ENTREP2: variants seen among roughly 807,000 people sequenced by gnomAD.
ENTREP2 encodes endosomal transmembrane epsin interactor 2, also known as protein ENTREP2.
At chr15:29,131,735 G>A in the ENTREP2 span, among the ~76,000 whole-genome samples, 1 of 123,846 alleles carries the variant, frequency 8.1e-6, no homozygotes, top group Non-Finnish European at 1.7e-5. Flanking sequence ...CCATGTGAGA[G>A]TGCGAGAGTG....
chr15:29,489,983 G>T, the ENTREP2 span, among the ~76,000 whole-genome samples: 1 of 152,188 alleles, frequency 6.6e-6, no homozygotes, highest in African/African-American at 2.4e-5. Context: ...TCTCTAAATA[G>T]CTCAGCAATA....
chr15:29,231,880 C>CTTT, the ENTREP2 span, among the ~76,000 whole-genome samples: 4 of 99,050 alleles, frequency 4.0e-5, no homozygotes, highest in Non-Finnish European at 7.2e-5. Context: ...AATAAGTTTT[C>CTTT]TTTTCTTTTC....
chr15:29,606,593 T>C, the ENTREP2 span, among the ~76,000 whole-genome samples: 1 of 152,140 alleles, frequency 6.6e-6, no homozygotes, highest in Admixed American at 6.5e-5. Flanking sequence ...CTTGAGTATG[T>C]TAAATATGCT....
the ENTREP2 span, among the ~76,000 whole-genome samples, chr15:29,383,281 C>T: frequency 6.6e-6 from 1 of 152,280 alleles, no homozygotes; most frequent in African/African-American, 2.4e-5. Context: ...AAAAATGCAG[C>T]TGCAGCCTCC....
At chr15:29,658,940 C>T in the ENTREP2 span, among the ~76,000 whole-genome samples, 26 of 152,216 alleles carry the variant, frequency 1.7e-4, no homozygotes, top group Non-Finnish European at 2.4e-4. Context: ...CCCAACCTAA[C>T]GAAAATTCTT....
At chr15:29,556,455 G>A in the ENTREP2 span, among the ~76,000 whole-genome samples, 2 of 152,070 alleles carry the variant, frequency 1.3e-5, no homozygotes, top group African/African-American at 2.4e-5. Context: ...AGGGAGGGAG[G>A]GAGGAAAATT....
the ENTREP2 span, among the ~76,000 whole-genome samples, chr15:29,461,568 G>A: frequency 2.0e-5 from 3 of 152,036 alleles, no homozygotes; most frequent in Non-Finnish European, 4.4e-5. Context: ...TGTAACCTCC[G>A]CCTTCCAGGT....
the ENTREP2 span, among the ~76,000 whole-genome samples, chr15:29,469,060 C>T: frequency 2.0e-5 from 3 of 152,148 alleles, no homozygotes; most frequent in African/African-American, 4.8e-5. Flanking sequence ...TGGTTCCACC[C>T]CATCCCGATA....
the ENTREP2 span, among the ~76,000 whole-genome samples, chr15:29,594,317 C>T: frequency 6.6e-6 from 1 of 152,114 alleles, no homozygotes; most frequent in Non-Finnish European, 1.5e-5. Flanking sequence ...CCTCACCTCC[C>T]GCTGTTCTTC....
chr15:29,384,334 T>G, the ENTREP2 span, among the ~76,000 whole-genome samples: 2 of 152,142 alleles, frequency 1.3e-5, no homozygotes, highest in African/African-American at 4.8e-5. Context: ...ACTCCGTCAC[T>G]AAGCAGGATC....
At chr15:29,531,972 G>T in the ENTREP2 span, among the ~76,000 whole-genome samples, 2 of 152,170 alleles carry the variant, frequency 1.3e-5, no homozygotes, top group African/African-American at 4.8e-5. Flanking sequence ...AGCTTGAAAG[G>T]CTAAACTGAG....
the ENTREP2 span, among the ~76,000 whole-genome samples, chr15:29,407,535 G>A: frequency 2.0e-5 from 3 of 152,156 alleles, no homozygotes; most frequent in Non-Finnish European, 2.9e-5. Context: ...GGAGAGAGGC[G>A]AAGGGGAGTC....
At chr15:29,386,013 G>A in the ENTREP2 span, among the ~76,000 whole-genome samples, 1 of 152,058 alleles carries the variant, frequency 6.6e-6, no homozygotes, top group African/African-American at 2.4e-5. Context: ...GCCACTGGCC[G>A]GCCTGACTCC....
chr15:29,388,140 GCTT>G, the ENTREP2 span, among the ~76,000 whole-genome samples: 2 of 152,144 alleles, frequency 1.3e-5, no homozygotes, highest in Non-Finnish European at 2.9e-5. Context: ...AAACTAAAGA[GCTT>G]CTGCACAGCA....
At chr15:29,273,760 C>T in the ENTREP2 span, among the ~76,000 whole-genome samples, 1 of 152,180 alleles carries the variant, frequency 6.6e-6, no homozygotes, top group Non-Finnish European at 1.5e-5. Flanking sequence ...TCATCTTTCT[C>T]TCATGCTGGA....
At chr15:29,591,295 C>T in the ENTREP2 span, among the ~76,000 whole-genome samples, 3 of 152,158 alleles carry the variant, frequency 2.0e-5, no homozygotes, top group Admixed American at 6.5e-5. Context: ...ACTTATTTCC[C>T]GTCTTCATGC....
chr15:29,403,784 A>G, the ENTREP2 span, among the ~76,000 whole-genome samples: 1 of 152,100 alleles, frequency 6.6e-6, no homozygotes, highest in Non-Finnish European at 1.5e-5. Context: ...CTTAGCCCCA[A>G]AGCAGGCTCC....
the ENTREP2 span, among the ~76,000 whole-genome samples, chr15:29,536,790 G>A: frequency 6.6e-6 from 1 of 152,108 alleles, no homozygotes; most frequent in Non-Finnish European, 1.5e-5. Context: ...ACCATAGAAG[G>A]ATGTGGTGAA....
the ENTREP2 span, among the ~76,000 whole-genome samples, chr15:29,359,342 C>T: frequency 6.6e-6 from 1 of 152,188 alleles, no homozygotes; most frequent in Admixed American, 6.5e-5. Context: ...GTGAGGATAT[C>T]ACACGTTTAA....
Sources: allele counts gnomAD v4.1 joint callset (sites outside exome capture counted in the v4.1 genomes callset), GRCh38; gene constraint gnomAD v4.1.1; transcripts MANE v1.5; gene names NCBI Gene and HGNC (gene_info 2026-07-23, HGNC 2026-07-21).